ROBO1: variants seen among roughly 807,000 people sequenced by gnomAD.
ROBO1 encodes roundabout guidance receptor 1.
Under a neutral mutation model 195.9 loss-of-function variants are expected in ROBO1, and 149 were observed. The observed-to-expected ratio is 0.76, with a 90% CI of 0.67 to 0.87. The LOEUF is 0.87. ROBO1 is among the 40% of genes least tolerant of loss of function. The pLI is 0.00. For missense variants in ROBO1, 1,933 were observed against 2,068.3 expected (o/e 0.93, Z 1.27); for synonymous variants, 816 against 733.2 (o/e 1.11, Z -1.82).
chr3:79,000,206 A>C (rs2077466274), intron 3 of ROBO1, among the ~76,000 whole-genome samples: 1 of 152,116 alleles, frequency 6.6e-6, no homozygotes, highest in Admixed American at 6.6e-5. Context: ...GGCAGCAGCA[A>C]GGAGAAGTGC....
intron 2 of ROBO1, among the ~76,000 whole-genome samples, chr3:79,382,190 A>T (rs2036598050): frequency 6.6e-6 from 1 of 152,154 alleles, no homozygotes. Context: ...TCTTTTCCTG[A>T]ACACTGGAAA....
intron 2 of ROBO1, among the ~76,000 whole-genome samples, chr3:79,531,738 G>A (rs1471698453): frequency 6.6e-6 from 1 of 152,132 alleles, no homozygotes; most frequent in Non-Finnish European, 1.5e-5. Flanking sequence ...AGCAGAATGA[G>A]ACACTCGGTG....
At chr3:79,688,953 C>T (rs1947219512) in intron 1 of ROBO1, among the ~76,000 whole-genome samples, 1 of 151,806 alleles carries the variant, frequency 6.6e-6, no homozygotes, top group South Asian at 2.1e-4. Context: ...CTTAAATTTC[C>T]CCATTATTTT....
At chr3:78,966,640 T>C (rs1403969217) in intron 3 of ROBO1, among the ~76,000 whole-genome samples, 6 of 152,214 alleles carry the variant, frequency 3.9e-5, no homozygotes, top group Admixed American at 2.0e-4. Flanking sequence ...TGCTTAACTA[T>C]TGAATTCTAA....
chr3:78,626,992 A>G lies in ROBO1; in HGVS notation c.3875+329T>C, dbSNP rs141068629. ...GACTTATTGATACAAAAGGAACACT[A>G]AAGTACAAAAATACCCACTGTCAAT... On this transcript the variant is annotated intron_variant, in intron 26 of 30. Coordinates refer to ENST00000464233, the MANE Select transcript of ROBO1 (RefSeq NM_002941.4). Among the ~76,000 whole-genome samples, 44 of 152,322 alleles carry G rather than the reference A, an allele frequency of 2.9e-4. No individual in the cohort carries two copies. In the East Asian group the frequency reaches 7.5e-3, roughly 26 times the overall value.
chr3:79,019,557 C>A (rs1373020937), intron 3 of ROBO1: 1 of 985,642 alleles, frequency 1.0e-6, no homozygotes, highest in African/African-American at 1.7e-5. Context: ...CCTTTCCATG[C>A]TTCACTCTAT....
intron 3 of ROBO1, among the ~76,000 whole-genome samples, chr3:79,081,324 T>TA (rs1559645024): frequency 6.6e-6 from 1 of 151,872 alleles, no homozygotes; most frequent in Non-Finnish European, 1.5e-5. Flanking sequence ...ATCATGACTT[T>TA]AAAAAAAATT....
In ROBO1 at chr3:78,644,092, C is replaced by T. The variant is rs188141263; in HGVS notation, c.2882+2056G>A. On this transcript the variant is annotated intron_variant, in intron 21 of 30. Coordinates refer to ENST00000464233, the MANE Select transcript of ROBO1 (RefSeq NM_002941.4). Reference sequence around the variant, plus strand: ...CAGTGTAGGAGTTTGGTTCATTATTCCCTCTCTGATCTCACTAGATCACGA... The same window carrying T: ...CAGTGTAGGAGTTTGGTTCATTATTTCCTCTCTGATCTCACTAGATCACGA... 9.2e-5 allele frequency among the ~76,000 whole-genome samples: 14 copies of T among 152,060 alleles called. 1 individual carries two copies. The East Asian group carries it at 2.5e-3, about 27-fold the overall frequency.
chr3:79,638,686 C>T (rs1945568958), intron 1 of ROBO1, among the ~76,000 whole-genome samples: 1 of 152,170 alleles, frequency 6.6e-6, no homozygotes, highest in African/African-American at 2.4e-5. Context: ...CAAGGACTGT[C>T]TGAGAGAAGG....
chr3:79,043,646 G>A (rs1234987944), intron 3 of ROBO1, among the ~76,000 whole-genome samples: 2 of 151,974 alleles, frequency 1.3e-5, no homozygotes, highest in East Asian at 3.9e-4. Flanking sequence ...ATGCAAAAGT[G>A]CATTTAACGT....
intron 4 of ROBO1, among the ~76,000 whole-genome samples, chr3:78,824,961 C>T (rs1037281207): frequency 3.3e-5 from 5 of 152,096 alleles, no homozygotes; most frequent in African/African-American, 1.2e-4. Flanking sequence ...CAAAGGTATT[C>T]CTTTCACCTA....
At chr3:79,369,581 T>C (rs577588352) in intron 2 of ROBO1, among the ~76,000 whole-genome samples, 12 of 152,254 alleles carry the variant, frequency 7.9e-5, no homozygotes, top group African/African-American at 2.6e-4. Flanking sequence ...AGAGCAAACT[T>C]CTCAGAGAGT....
At chr3:78,649,001 C>A (rs1425669123) in intron 19 of ROBO1, among the ~76,000 whole-genome samples, 1 of 151,872 alleles carries the variant, frequency 6.6e-6, no homozygotes, top group Non-Finnish European at 1.5e-5. Context: ...CCCTGGCCTT[C>A]GTGTGCAGCA....
intron 4 of ROBO1, among the ~76,000 whole-genome samples, chr3:78,911,813 A>G (rs1326962073): frequency 1.3e-5 from 2 of 152,158 alleles, no homozygotes; most frequent in East Asian, 1.9e-4. Context: ...ACAACATTTC[A>G]TTTCTTCTTT....
chr3:78,871,237 C>T, intron 4 of ROBO1, among the ~76,000 whole-genome samples: 1 of 152,150 alleles, frequency 6.6e-6, no homozygotes, highest in Non-Finnish European at 1.5e-5. Flanking sequence ...TGTCATAAAG[C>T]CTGGTTTACC....
At chr3:78,662,567 GA>G (rs1256415766) in intron 14 of ROBO1, among the ~76,000 whole-genome samples, 5 of 152,130 alleles carry the variant, frequency 3.3e-5, no homozygotes, top group Non-Finnish European at 5.9e-5. Context: ...TATGGTTAGT[GA>G]AAACCAAGAA....
At chr3:79,039,895 G>T (rs928228774) in intron 3 of ROBO1, among the ~76,000 whole-genome samples, 1 of 149,970 alleles carries the variant, frequency 6.7e-6, no homozygotes, top group Admixed American at 6.7e-5. Flanking sequence ...TTTGTAAAAT[G>T]AGGACAATAA....
chr3:79,409,307 T>A (rs1371140689), intron 2 of ROBO1, among the ~76,000 whole-genome samples: 1 of 151,968 alleles, frequency 6.6e-6, no homozygotes, highest in Non-Finnish European at 1.5e-5. Context: ...GCAAAAAAAA[T>A]ATACATTCCC....
chr3:78,843,472 CA>C (rs2033425209), intron 4 of ROBO1, among the ~76,000 whole-genome samples: 1 of 151,938 alleles, frequency 6.6e-6, no homozygotes, highest in African/African-American at 2.4e-5. Context: ...TTCAATTCTC[CA>C]AAAGCCCTCT....
Sources: gnomAD v4.1 joint callset for allele counts (sites outside exome capture counted in the v4.1 genomes callset) on GRCh38, gnomAD v4.1.1 for gene constraint, MANE v1.5 for transcripts, NCBI Gene and HGNC (gene_info 2026-07-23, HGNC 2026-07-21) for gene names.